The following BACH2 variants were observed in gnomAD, a reference collection of about 807,000 sequenced individuals.
The protein encoded by BACH2 is BACH transcriptional regulator 2.
A neutral mutation model predicts 61.8 loss-of-function variants in BACH2; 5 were observed. The observed-to-expected ratio is 0.08, with a 90% CI of 0.04 to 0.17. The LOEUF (loss-of-function observed/expected upper bound fraction) is 0.17. BACH2 is among the 10% of genes least tolerant of loss of function. The probability of loss-of-function intolerance (pLI) is 1.00; values close to 1 mark genes in which losing one functional copy is unlikely to be tolerated. For synonymous variants in BACH2, 446 were observed against 440.1 expected (o/e 1.01, Z -0.17); for missense variants, 824 against 1,091.1 (o/e 0.76, Z 3.45).
chr6:90,117,774 C>T (rs1783463818), intron 4 of BACH2, among the ~76,000 whole-genome samples: 1 of 152,148 alleles, frequency 6.6e-6, no homozygotes, highest in Non-Finnish European at 1.5e-5. Flanking sequence ...GTCTTTGCTT[C>T]TTCCTAGTTC....
intron 7 of BACH2, among the ~76,000 whole-genome samples, chr6:89,939,652 ATTTCTTTTTTTTTTTTTT>A (rs1422515645): frequency 2.3e-5 from 2 of 85,918 alleles, no homozygotes; most frequent in East Asian, 6.5e-4. Flanking sequence ...GATTGCTTAT[ATTTCTTTTTTTTTTTTTT>A]TTTTTTTTTT....
chr6:90,001,096 G>C (rs527674422), intron 6 of BACH2: 17 of 152,292 alleles, frequency 1.1e-4, no homozygotes, highest in African/African-American at 4.1e-4. Context: ...ATTAGGATGT[G>C]ACTTATTGAG....
intron 5 of BACH2, among the ~76,000 whole-genome samples, chr6:90,036,008 G>A (rs1041397154): frequency 6.6e-5 from 10 of 151,668 alleles, no homozygotes; most frequent in Non-Finnish European, 2.9e-5. Context: ...TCTACGAAGG[G>A]GTTATGTGTA....
chr6:89,950,275 G>T lies in BACH2; in HGVS notation c.1831C>A (p.Gln611Lys). The T allele has an allele frequency of 6.2e-7, 1 of 1,614,128 alleles. No individual in the cohort carries two copies. The highest frequency in any genetic ancestry group is 8.5e-7 in the Non-Finnish European group (1 of 1,180,018). The change falls in exon 7 of 9, where the codon CAG (glutamine) becomes AAG (lysine). Residue 611 changes from glutamine to lysine, a missense_variant. By Grantham distance (53) the Gln-to-Lys change is moderately conservative. Coordinates refer to ENST00000257749, the MANE Select transcript of BACH2 (RefSeq NM_021813.4). This position sits in a 1 kb window ranked among gnomAD's most constrained non-coding sequence, Gnocchi z 5.3. ...AATTTATGTGGGTTCCCTACCTCCT[G>T]GCCCCTGTCCTGCACAGGACACGAC... ...SESCPVQDRG[Q>K]EVKLPFPVDQ...
At chr6:90,095,363 G>C (rs1782340394) in intron 4 of BACH2, among the ~76,000 whole-genome samples, 1 of 152,128 alleles carries the variant, frequency 6.6e-6, no homozygotes, top group African/African-American at 2.4e-5. Context: ...ATGAAAGAAA[G>C]TGGGCTTTTT....
intron 3 of BACH2, among the ~76,000 whole-genome samples, chr6:90,231,325 CATCT>C (rs1770089863): frequency 6.6e-6 from 1 of 152,088 alleles, no homozygotes; most frequent in Non-Finnish European, 1.5e-5. Flanking sequence ...CAGACTATTC[CATCT>C]GAGTATTTTT....
rs1776362590 is a variant in BACH2, at chr6:89,988,489, G to A, written c.243+20113C>T. ...CCTGCCATTCTATACACCCTAAAATGGCAGGAGAAAATAGCTCAAAGCCTT... is the reference window on the plus strand; with the variant it reads ...CCTGCCATTCTATACACCCTAAAATAGCAGGAGAAAATAGCTCAAAGCCTT... On this transcript the variant is annotated intron_variant, in intron 6 of 8. Coordinates refer to ENST00000257749, the MANE Select transcript of BACH2 (RefSeq NM_021813.4). Among the ~76,000 whole-genome samples the A allele has an allele frequency of 2.0e-5, 3 of 152,242 alleles. No homozygotes were observed. In the South Asian group the frequency reaches 6.2e-4, roughly 32 times the overall value.
At chr6:90,208,629 G>T (rs1189483420) in intron 3 of BACH2, among the ~76,000 whole-genome samples, 1 of 152,210 alleles carries the variant, frequency 6.6e-6, no homozygotes, top group Non-Finnish European at 1.5e-5. Flanking sequence ...TTCAACCATT[G>T]TGGAAGACAG....
At chr6:89,961,516 A>T (rs1176421303) in intron 6 of BACH2, among the ~76,000 whole-genome samples, 3 of 152,176 alleles carry the variant, frequency 2.0e-5, no homozygotes, top group African/African-American at 7.2e-5. Flanking sequence ...CTAGGCGAGA[A>T]TTTCTTGACT....
At chr6:90,153,311 C>A (rs1784891274) in intron 4 of BACH2, among the ~76,000 whole-genome samples, 1 of 152,122 alleles carries the variant, frequency 6.6e-6, no homozygotes, top group African/African-American at 2.4e-5. Context: ...TGACTCTGGG[C>A]AAGTCACTGT....
Position 89,926,760 on chromosome 6 carries a change from A to G in BACH2, c.*5648T>C, listed in dbSNP as rs1772380425. On this transcript the variant is annotated 3_prime_UTR_variant, in exon 9 of 9. Coordinates refer to ENST00000257749, the MANE Select transcript of BACH2 (RefSeq NM_021813.4). ...GCATCAACAGCCTTTCATTTTTTACAATAAAAACCACGAGAAAAACCACAA... is the reference window on the plus strand; with the variant it reads ...GCATCAACAGCCTTTCATTTTTTACGATAAAAACCACGAGAAAAACCACAA... 6.6e-6 allele frequency: 1 copy of G among 152,654 alleles called. No homozygotes were observed. Among genetic ancestry groups the G allele is most frequent in the African/African-American group, 2.4e-5 (1 of 41,466 alleles). 9.5% of individuals were successfully genotyped at this position (152,654 alleles called of 1,614,324 possible).
rs141172275 is a variant in BACH2 at position 90,015,333 on chromosome 6, C to CT, written c.-12-6478dup. On this transcript the variant is annotated intron_variant, in intron 5 of 8. Coordinates refer to ENST00000257749, the MANE Select transcript of BACH2 (RefSeq NM_021813.4). ...TTGCTTACTTTGGGTTTAATTGGGTCTTTTTTTCTTTTCCAGTTTCCTAAG... is the reference window on the plus strand; with the variant it reads ...TTGCTTACTTTGGGTTTAATTGGGTCTTTTTTTTCTTTTCCAGTTTCCTAAG... 2.9e-3 allele frequency among the ~76,000 whole-genome samples: 446 copies of CT among 152,050 alleles called. 13 individuals carry two copies. The East Asian group carries it at 0.078, about 26-fold the overall frequency.
chr6:89,990,949 G>T (rs1346242892), intron 6 of BACH2, among the ~76,000 whole-genome samples: 1 of 152,184 alleles, frequency 6.6e-6, no homozygotes, highest in South Asian at 2.1e-4. Context: ...GGTCATTCAG[G>T]TCTCAACACA....
At chr6:89,978,926 T>G (rs528404105) in intron 6 of BACH2, among the ~76,000 whole-genome samples, 15 of 152,310 alleles carry the variant, frequency 9.8e-5, no homozygotes, top group African/African-American at 2.9e-4. Context: ...AACTACCCTT[T>G]GTTCTCCAAT....
At chr6:90,081,716 AC>A (rs1486722321) in intron 5 of BACH2, among the ~76,000 whole-genome samples, 1 of 152,214 alleles carries the variant, frequency 6.6e-6, no homozygotes, top group Non-Finnish European at 1.5e-5. Context: ...TTTTAAACAA[AC>A]AAAATCCCTT....
intron 5 of BACH2, among the ~76,000 whole-genome samples, chr6:90,029,638 G>C (rs1406930914): frequency 1.3e-5 from 2 of 152,208 alleles, no homozygotes; most frequent in South Asian, 2.1e-4. Context: ...GAACTTCAAA[G>C]TGCTACACTC....
chr6:89,959,313 T>G (rs910492181), intron 6 of BACH2, among the ~76,000 whole-genome samples: 2 of 152,140 alleles, frequency 1.3e-5, no homozygotes, highest in African/African-American at 4.8e-5. Context: ...AGGAAAATCA[T>G]GTAGGCTCAG....
chr6:90,006,917 C>A (rs370351757), intron 6 of BACH2, among the ~76,000 whole-genome samples: 1 of 151,896 alleles, frequency 6.6e-6, no homozygotes, highest in Non-Finnish European at 1.5e-5. Context: ...TGCACCTGGC[C>A]CCAGTCCTCA....
chr6:90,146,456 T>C (rs1301733465), intron 4 of BACH2, among the ~76,000 whole-genome samples: 1 of 152,246 alleles, frequency 6.6e-6, no homozygotes, highest in Non-Finnish European at 1.5e-5. Context: ...GAGGCACAGA[T>C]TCTGTCACTG....
Sources: gnomAD v4.1 joint callset for allele counts (sites outside exome capture counted in the v4.1 genomes callset) on GRCh38, gnomAD v4.1.1 for gene constraint, Gnocchi (gnomAD v3.1) non-coding constraint, MANE v1.5 for transcripts, NCBI Gene and HGNC (gene_info 2026-07-23, HGNC 2026-07-21) for gene names.